Variants in TRDMT1 observed in about 807,000 individuals in gnomAD.
TRDMT1 encodes tRNA aspartic acid methyltransferase 1.
Under a neutral mutation model 51.2 loss-of-function variants are expected in TRDMT1, and 49 were observed. The ratio of observed to expected loss-of-function variants is 0.96; its 90% CI spans 0.76 to 1.21. The LOEUF (loss-of-function observed/expected upper bound fraction) is 1.21, where lower values mean the gene tolerates loss of function less well. Among genes scored for constraint, TRDMT1 ranks in the 50% most tolerant of loss-of-function variants. The pLI is 0.00. For synonymous variants in TRDMT1, 187 were observed against 164.6 expected (o/e 1.14, Z -1.04); for missense variants, 534 against 462.3 (o/e 1.16, Z -1.42).
At chr10:17,193,031 T>C (rs984247533) in intron 1 of TRDMT1, among the ~76,000 whole-genome samples, 4 of 152,074 alleles carry the variant, frequency 2.6e-5, no homozygotes, top group South Asian at 2.1e-4. Context: ...CTATTCAACA[T>C]AGTATTGGAA....
intron 6 of TRDMT1, among the ~76,000 whole-genome samples, chr10:17,159,787 A>G (rs1428792906): frequency 9.2e-5 from 14 of 152,152 alleles, no homozygotes; most frequent in Admixed American, 4.6e-4. Context: ...AAGAACAATA[A>G]CAAAAAGCTG....
At chr10:17,182,465 G>A (rs1342640072) in intron 1 of TRDMT1, among the ~76,000 whole-genome samples, 1 of 152,170 alleles carries the variant, frequency 6.6e-6, no homozygotes, top group Non-Finnish European at 1.5e-5. Flanking sequence ...TTGTTCCTAT[G>A]AGGAGAAGCA....
intron 9 of TRDMT1, among the ~76,000 whole-genome samples, chr10:17,154,317 T>A (rs959374702): frequency 9.9e-5 from 15 of 152,080 alleles, no homozygotes; most frequent in Non-Finnish European, 1.6e-4. Context: ...TAAAAGGAAG[T>A]TTTATAGTGT....
In TRDMT1 at chr10:17,138,239, T is replaced by C. The variant is rs933511461; in HGVS notation, c.*10801A>G. Among the ~76,000 whole-genome samples, 2 of 152,208 alleles carry C rather than the reference T, an allele frequency of 1.3e-5. No individual in the cohort carries two copies. The highest frequency in any genetic ancestry group is 2.9e-5 in the Non-Finnish European group (2 of 68,038). On this transcript the variant is annotated 3_prime_UTR_variant, in exon 11 of 11. Transcript: ENST00000377799. ...CAGTTTAAAACAGAACACTGTAGAA[T>C]TAATCTGGTTTTTAGTCATTAATGG...
Position 17,146,730 on chromosome 10 carries a change from G to T in TRDMT1, c.*2310C>A. The T allele has an allele frequency of 1.0e-6, 1 of 985,358 alleles. No individual in the cohort carries two copies. The highest frequency in any genetic ancestry group is 1.2e-6 in the Non-Finnish European group (1 of 829,922). 61.0% of individuals were successfully genotyped at this position (985,358 alleles called of 1,614,324 possible). A position where few individuals can be genotyped will look rare whatever the true frequency, so the allele number is the denominator to read the frequency against. ...TTCCAACATCTGAATAAATGTACAAGTCCAAATATCAGGAAACAGAATTTC... is the reference window on the plus strand; with the variant it reads ...TTCCAACATCTGAATAAATGTACAATTCCAAATATCAGGAAACAGAATTTC... On this transcript the variant is annotated 3_prime_UTR_variant, in exon 11 of 11. Transcript: ENST00000377799.
At chr10:17,162,377 G>A (rs532567503) in intron 3 of TRDMT1, 140 bp from the exon 4 acceptor site, 3 of 726,172 alleles carry the variant, frequency 4.1e-6, no homozygotes, top group Non-Finnish European at 6.7e-6. Flanking sequence ...GGTCATCTTT[G>A]TTGTTACAGA....
intron 10 of TRDMT1, chr10:17,152,079 A>C (rs1564555113): frequency 1.5e-6 from 2 of 1,301,700 alleles, no homozygotes; most frequent in Non-Finnish European, 2.0e-6. Context: ...TCTGTCTTCA[A>C]GAGTATGTCT....
At chr10:17,174,401 A>G in intron 2 of TRDMT1, 150 bp downstream of exon 2, 1 of 534,618 alleles carries the variant, frequency 1.9e-6, no homozygotes, top group Non-Finnish European at 3.2e-6. Context: ...ATCTTCTGAT[A>G]GGATATAAAA....
intron 1 of TRDMT1, among the ~76,000 whole-genome samples, chr10:17,180,718 T>C (rs1843185823): frequency 1.3e-5 from 2 of 152,278 alleles, no homozygotes; most frequent in Non-Finnish European, 1.5e-5. Flanking sequence ...AATAGTGCCG[T>C]GCTTTTTTTC....
At chr10:17,166,606 G>T (rs919776684) in intron 3 of TRDMT1, among the ~76,000 whole-genome samples, 8 of 152,290 alleles carry the variant, frequency 5.3e-5, no homozygotes, top group Non-Finnish European at 7.4e-5. Context: ...CTGATGGCAG[G>T]ACCAAAACCA....
rs761438764 is a variant in TRDMT1, at chr10:17,149,073, T to C, written c.1143A>G (p.Val381=). 73 of 1,611,254 alleles carry C rather than the reference T, an allele frequency of 4.5e-5. No individual in the cohort carries two copies. The Middle Eastern group carries it at 5.7e-4, about 12-fold the overall frequency. ...RLLGNSLNVH[V]VAKLIKILYE ...ATAAGATTTTGATTAGTTTAGCTACTACATGCACGTTGAGACTATTTCCAA... is the reference window on the plus strand; with the variant it reads ...ATAAGATTTTGATTAGTTTAGCTACCACATGCACGTTGAGACTATTTCCAA... The change falls in exon 11 of 11, where the codon GTA becomes GTG. Residue 381 remains valine, a synonymous_variant. Transcript: ENST00000377799.
chr10:17,189,048 A>C (rs771490069), intron 1 of TRDMT1, among the ~76,000 whole-genome samples: 4 of 152,206 alleles, frequency 2.6e-5, no homozygotes, highest in Non-Finnish European at 5.9e-5. Flanking sequence ...AGTTTATCCA[A>C]GCAGTACTTT....
chr10:17,186,627 C>A (rs897394579), intron 1 of TRDMT1, among the ~76,000 whole-genome samples: 3 of 152,116 alleles, frequency 2.0e-5, no homozygotes, highest in African/African-American at 4.8e-5. Context: ...AGATAATAAA[C>A]CTGTGTTGCT....
intron 10 of TRDMT1, chr10:17,151,074 C>T: frequency 2.2e-6 from 2 of 903,058 alleles, no homozygotes; most frequent in Non-Finnish European, 2.6e-6. Flanking sequence ...GGTGCAAAAG[C>T]ATTGCAGTTT....
chr10:17,187,986 T>C (rs1455494666), intron 1 of TRDMT1, among the ~76,000 whole-genome samples: 1 of 150,768 alleles, frequency 6.6e-6, no homozygotes, highest in Non-Finnish European at 1.5e-5. Flanking sequence ...ACATACTTTA[T>C]TTTTTATATT....
At chr10:17,166,976 C>T (rs1841306859) in intron 3 of TRDMT1, among the ~76,000 whole-genome samples, 2 of 152,232 alleles carry the variant, frequency 1.3e-5, no homozygotes, top group South Asian at 2.1e-4. Context: ...ACAGTTCAGA[C>T]ATCACCTCTG....
chr10:17,162,729 C>A (rs943534670), intron 3 of TRDMT1, among the ~76,000 whole-genome samples: 3 of 151,998 alleles, frequency 2.0e-5, no homozygotes, highest in Admixed American at 6.6e-5. Context: ...TGTAATCCCA[C>A]CTACTCAGGA....
intron 1 of TRDMT1, among the ~76,000 whole-genome samples, chr10:17,175,810 G>A (rs1842555172): frequency 6.6e-6 from 1 of 152,052 alleles, no homozygotes; most frequent in Non-Finnish European, 1.5e-5. Context: ...TTCCACTGAG[G>A]CCTAGAAGAG....
Position 17,140,950 on chromosome 10 carries a change from A to T in TRDMT1, c.*8090T>A, listed in dbSNP as rs1375937590. ...CCATGTTAACTACCTGCTCGCCCTA[A>T]TAATTGTAAAGAGCTGCATAGAGGT... On this transcript the variant is annotated 3_prime_UTR_variant, in exon 11 of 11. Transcript: ENST00000377799. Among the ~76,000 whole-genome samples, 1 of 152,168 alleles carries T rather than the reference A, an allele frequency of 6.6e-6. No individual in the cohort carries two copies. The highest frequency in any genetic ancestry group is 2.4e-5 in the African/African-American group (1 of 41,436).
Sources: gnomAD v4.1 joint callset for allele counts (sites outside exome capture counted in the v4.1 genomes callset) on GRCh38, gnomAD v4.1.1 for gene constraint, MANE v1.5 for transcripts, NCBI Gene and HGNC (gene_info 2026-07-23, HGNC 2026-07-21) for gene names.